The following CCSER1 variants were observed in gnomAD, a reference collection of about 807,000 sequenced individuals.
The protein encoded by CCSER1 is coiled-coil serine rich protein 1, also known as serine-rich coiled-coil domain-containing protein 1.
A neutral mutation model predicts 82.0 loss-of-function variants in CCSER1; 41 were observed. The observed-to-expected ratio is 0.50, with a 90% CI of 0.39 to 0.65. CCSER1 has a LOEUF of 0.65. CCSER1 is among the 30% of genes least tolerant of loss of function. The probability of loss-of-function intolerance (pLI) is 0.00; values close to 1 mark genes in which losing one functional copy is unlikely to be tolerated. For missense variants in CCSER1, 1,119 were observed against 1,064.2 expected (o/e 1.05, Z -0.72); for synonymous variants, 414 against 383.9 (o/e 1.08, Z -0.92).
Position 90,250,930 on chromosome 4 carries a change from T to A in CCSER1, c.-41-57314T>A, listed in dbSNP as rs1722266341. Among the ~76,000 whole-genome samples, 4 of 151,994 alleles carry A rather than the reference T, an allele frequency of 2.6e-5. No homozygotes were observed. In the South Asian group the frequency reaches 8.3e-4, roughly 31 times the overall value. Reference sequence around the variant, plus strand: ...TTTTATTAAACTTATTCCTAGAGATTTTTTCTTGTGAATGCTACTGTAAAT... The same window carrying A: ...TTTTATTAAACTTATTCCTAGAGATATTTTCTTGTGAATGCTACTGTAAAT... On this transcript the variant is annotated intron_variant, in intron 1 of 10. Transcript: ENST00000509176.
chr4:90,790,157 A>G (rs1755039197), intron 7 of CCSER1, among the ~76,000 whole-genome samples: 1 of 152,138 alleles, frequency 6.6e-6, no homozygotes, highest in Non-Finnish European at 1.5e-5. Context: ...TGAATTATTA[A>G]AATAACCTTT....
chr4:91,000,854 G>A (rs1252221233), intron 9 of CCSER1, among the ~76,000 whole-genome samples: 2 of 152,034 alleles, frequency 1.3e-5, no homozygotes, highest in African/African-American at 4.8e-5. Context: ...TCTAGGTATA[G>A]AGTCATATCA....
chr4:91,202,744 T>G (rs567899828), intron 10 of CCSER1, among the ~76,000 whole-genome samples: 1 of 151,936 alleles, frequency 6.6e-6, no homozygotes, highest in Admixed American at 6.6e-5. Flanking sequence ...CACACATATA[T>G]GCACGTACAC....
chr4:90,745,812 C>G (rs1434350636), intron 7 of CCSER1, among the ~76,000 whole-genome samples: 1 of 150,828 alleles, frequency 6.6e-6, no homozygotes, highest in African/African-American at 2.4e-5. Context: ...GCCTCAGGCT[C>G]CCGAGTAGCT....
At position 91,601,909 on chromosome 4, in the gene CCSER1, CTG is replaced by C. The variant is rs1340638378; in HGVS notation, c.*2854_*2855del. On this transcript the variant is annotated 3_prime_UTR_variant, in exon 11 of 11. Transcript: ENST00000509176. ...TTTTTATAATTATTGGAACATGAAA[CTG>C]TATTTCTATGAACTCAATGATTTTT... 8 of 152,132 alleles carry C rather than the reference CTG, an allele frequency of 5.3e-5. No individual in the cohort carries two copies. The highest frequency in any genetic ancestry group is 8.8e-5 in the Non-Finnish European group (6 of 67,934). 9.4% of individuals were successfully genotyped at this position (152,132 alleles called of 1,614,324 possible).
chr4:90,453,068 CAGAG>C (rs1451441182), intron 4 of CCSER1, among the ~76,000 whole-genome samples: 1 of 152,148 alleles, frequency 6.6e-6, no homozygotes, highest in Non-Finnish European at 1.5e-5. Flanking sequence ...TAAAGGAACT[CAGAG>C]AGATCTTTTG....
rs764452743 is a variant in CCSER1, at chr4:90,309,604, C to G, written c.1320C>G (p.Ala440=). The change falls in exon 2 of 11, where the codon GCC becomes GCG. Residue 440 remains alanine, a synonymous_variant. Coordinates refer to ENST00000509176, the MANE Select transcript of CCSER1 (RefSeq NM_001145065.2). ...CACATGGATATGAAGCAAATCCTGC[C>G]AAAGGTATGCTGATTTTTTTTGTAT... ...KTSHGYEANP[A]KVLASSLSPF... The G allele has an allele frequency of 2.6e-6, 4 of 1,559,616 alleles. No homozygotes were observed. The Admixed American group carries it at 8.2e-5, about 32-fold the overall frequency.
chr4:90,898,903 G>A (rs2150140882), intron 8 of CCSER1, among the ~76,000 whole-genome samples: 1 of 151,872 alleles, frequency 6.6e-6, no homozygotes, highest in East Asian at 1.9e-4. Flanking sequence ...TGTTTTTAAT[G>A]CTTATGATTG....
At chr4:90,485,273 C>T (rs553020784) in intron 5 of CCSER1, among the ~76,000 whole-genome samples, 1 of 152,298 alleles carries the variant, frequency 6.6e-6, no homozygotes, top group South Asian at 2.1e-4. Context: ...TGCTGTCTGT[C>T]ACCCGTTTCT....
At chr4:90,203,784 T>C (rs370352551) in intron 1 of CCSER1, among the ~76,000 whole-genome samples, 6 of 152,202 alleles carry the variant, frequency 3.9e-5, no homozygotes, top group African/African-American at 1.4e-4. Context: ...TCCACAATGG[T>C]TGAACTAACT....
Position 90,723,946 on chromosome 4 carries a change from G to A in CCSER1, c.1965G>A (p.Thr655=), listed in dbSNP as rs531395067. ...ACATGAGTCCAGCAAGCAGTACCAC[G>A]TCACTTCCTGTTAGTCCTCTTACTG... ...SADMSPASST[T]SLPVSPLTEE... The change falls in exon 7 of 11, where the codon ACG becomes ACA. Residue 655 remains threonine (T), a synonymous_variant. Transcript: ENST00000509176. The A allele has an allele frequency of 8.8e-6, 14 of 1,583,724 alleles. No individual in the cohort carries two copies. Among genetic ancestry groups the A allele is most frequent in the African/African-American group, 5.4e-5 (4 of 74,344 alleles).
At chr4:90,293,482 G>A (rs1181335537) in intron 1 of CCSER1, among the ~76,000 whole-genome samples, 1 of 151,142 alleles carries the variant, frequency 6.6e-6, no homozygotes, top group Non-Finnish European at 1.5e-5. Flanking sequence ...TGCCCAATAA[G>A]AGTTAGAATA....
intron 5 of CCSER1, among the ~76,000 whole-genome samples, chr4:90,536,870 GA>G (rs981487912): frequency 2.6e-5 from 4 of 152,144 alleles, no homozygotes; most frequent in Non-Finnish European, 4.4e-5. Context: ...GAAGACTGAT[GA>G]AAACAGAATT....
chr4:91,167,311 G>T (rs987896987), intron 10 of CCSER1, among the ~76,000 whole-genome samples: 1 of 149,072 alleles, frequency 6.7e-6, no homozygotes, highest in South Asian at 2.1e-4. Context: ...TCAGCCTCCC[G>T]AGTAGCTGGG....
At chr4:91,501,559 T>C (rs548915128) in intron 10 of CCSER1, among the ~76,000 whole-genome samples, 4 of 152,224 alleles carry the variant, frequency 2.6e-5, no homozygotes, top group African/African-American at 9.6e-5. Context: ...ATTTGTATCT[T>C]TTCACTTATT....
chr4:90,415,337 G>T (rs926050925), intron 4 of CCSER1, among the ~76,000 whole-genome samples: 2 of 152,176 alleles, frequency 1.3e-5, no homozygotes, highest in African/African-American at 4.8e-5. Flanking sequence ...ACGGTGCCAC[G>T]TCAGTGTGGC....
intron 4 of CCSER1, among the ~76,000 whole-genome samples, chr4:90,424,832 C>A (rs1196071148): frequency 6.6e-6 from 1 of 152,290 alleles, no homozygotes; most frequent in South Asian, 2.1e-4. Context: ...TAACTTTATT[C>A]TTCCTGCCCA....
At chr4:90,485,156 G>T (rs1766802862) in intron 5 of CCSER1, among the ~76,000 whole-genome samples, 2 of 152,230 alleles carry the variant, frequency 1.3e-5, no homozygotes, top group African/African-American at 4.8e-5. Context: ...GGCTCTGTGG[G>T]CGTAGGACCC....
At chr4:91,374,816 T>G (rs369341276) in intron 10 of CCSER1, among the ~76,000 whole-genome samples, 13 of 152,140 alleles carry the variant, frequency 8.5e-5, no homozygotes, top group African/African-American at 1.9e-4. Flanking sequence ...GCCAACATGG[T>G]GAAATCCCAT....
Sources: allele counts gnomAD v4.1 joint callset (sites outside exome capture counted in the v4.1 genomes callset), GRCh38; gene constraint gnomAD v4.1.1; transcripts MANE v1.5; gene names NCBI Gene and HGNC (gene_info 2026-07-23, HGNC 2026-07-21).